Variants in STK11 observed in about 807,000 individuals in gnomAD.
STK11 encodes the protein serine/threonine kinase 11, also known as serine/threonine-protein kinase STK11.
Under a neutral mutation model 47.3 loss-of-function variants are expected in STK11, and 8 were observed. The ratio of observed to expected loss-of-function variants is 0.17; its 90% CI spans 0.10 to 0.31. The LOEUF (loss-of-function observed/expected upper bound fraction) is 0.31, where lower values mean the gene tolerates loss of function less well. Ranked by LOEUF, STK11 falls within the 10% of genes least tolerant of loss-of-function variation. STK11 has a pLI of 1.00. For synonymous variants in STK11, 330 were observed against 255.8 expected (o/e 1.29, Z -2.77); for missense variants, 475 against 605.0 (o/e 0.79, Z 2.25).
At chr19:1,221,383 GC>G in intron 6 of STK11, 43 bp downstream of exon 6, 1 of 1,560,174 alleles carries the variant, frequency 6.4e-7, no homozygotes, top group Non-Finnish European at 8.7e-7. Context: ...GGGAGGCGGG[GC>G]TTTTGTGCAG....
chr19:1,206,168 G>C lies in STK11; in HGVS notation c.-746G>C, dbSNP rs2080663101. 6.5e-6 allele frequency: 1 copy of C among 153,586 alleles called. No homozygotes were observed. Among genetic ancestry groups the C allele is most frequent in the South Asian group, 2.0e-4 (1 of 4,888 alleles). 9.5% of individuals were successfully genotyped at this position (153,586 alleles called of 1,614,324 possible). A position where few individuals can be genotyped will look rare whatever the true frequency, so the allele number is the denominator to read the frequency against. ...CTGCCGGGCCCCGGCGACCACCTTGGGGGTCGCGGGCCGGCTCGGGGGGCG... is the reference window on the plus strand; with the variant it reads ...CTGCCGGGCCCCGGCGACCACCTTGCGGGTCGCGGGCCGGCTCGGGGGGCG... On this transcript the variant is annotated 5_prime_UTR_variant, in exon 1 of 10. Transcript: ENST00000326873.
rs141043477 is a variant in STK11 at position 1,207,689 on chromosome 19, C to T, written c.290+486C>T. ...CCTGTCAGAGGGGAACCCTGGGCTG[C>T]CAAAAATAACTGTTTGCACCGGCTT... is the stretch of plus-strand genomic sequence containing the variant. On this transcript the variant is annotated intron_variant, in intron 1 of 9. Coordinates refer to ENST00000326873, the MANE Select transcript of STK11 (RefSeq NM_000455.5). Among the ~76,000 whole-genome samples, 142 of 152,282 alleles carry T rather than the reference C, an allele frequency of 9.3e-4. No individual in the cohort carries two copies. The Middle Eastern group carries it at 0.014, about 15-fold the overall frequency.
intron 1 of STK11, 90 bp downstream of exon 1, chr19:1,207,293 C>A (rs1311959121): frequency 1.4e-6 from 2 of 1,470,900 alleles, no homozygotes; most frequent in South Asian, 1.4e-5. Flanking sequence ...CCCTCCCTCC[C>A]TTACTTCCTC....
chr19:1,211,583 G>T (rs1488612477), intron 1 of STK11, among the ~76,000 whole-genome samples: 3 of 152,232 alleles, frequency 2.0e-5, no homozygotes, highest in Admixed American at 6.5e-5. Flanking sequence ...ACCCAGGGCT[G>T]CCGTGAGCGC....
At chr19:1,214,570 A>T (rs1229894205) in intron 1 of STK11, among the ~76,000 whole-genome samples, 1 of 152,088 alleles carries the variant, frequency 6.6e-6, no homozygotes, top group Non-Finnish European at 1.5e-5. Context: ...TGGCCGGCGC[A>T]GGGAGGTTTC....
chr19:1,217,193 T>G (rs1045724633), intron 1 of STK11, among the ~76,000 whole-genome samples: 2 of 152,194 alleles, frequency 1.3e-5, no homozygotes, highest in African/African-American at 4.8e-5. Context: ...AGGACCTTGC[T>G]CCTCGTCATT....
In STK11 at chr19:1,220,368, C is replaced by A. The variant is rs567202367; in HGVS notation, c.465-5C>A. 2 of 1,597,882 alleles carry A rather than the reference C, an allele frequency of 1.3e-6. No homozygotes were observed. The highest frequency in any genetic ancestry group is 4.5e-5 in the East Asian group (2 of 44,232). On this transcript the variant is annotated splice_polypyrimidine_tract_variant and splice_region_variant and intron_variant, in intron 3 of 9. Transcript: ENST00000326873. ...GGCCCCAGGACGGGTGTGTGCTGCC[C>A]GCAGGTACTTCTGTCAGCTGATTGA... is the stretch of plus-strand genomic sequence containing the variant.
chr19:1,207,430 T>C (rs1359233117), intron 1 of STK11, among the ~76,000 whole-genome samples: 1 of 152,196 alleles, frequency 6.6e-6, no homozygotes, highest in Non-Finnish European at 1.5e-5. Context: ...TGCGTTTGCA[T>C]GGGCTCTTGG....
intron 8 of STK11, chr19:1,225,870 G>T (rs1027971792): frequency 3.0e-6 from 3 of 987,396 alleles, no homozygotes; most frequent in Non-Finnish European, 3.6e-6. Context: ...GTCCACCTGG[G>T]CAGGGTGGGC....
At chr19:1,219,008 A>G (rs953224827) in intron 2 of STK11, among the ~76,000 whole-genome samples, 5 of 152,234 alleles carry the variant, frequency 3.3e-5, no homozygotes, top group Middle Eastern at 3.4e-3. Context: ...ACCGTCCTGC[A>G]TGGGCCCGAG....
chr19:1,216,917 G>T (rs1185639713), intron 1 of STK11, among the ~76,000 whole-genome samples: 1 of 152,078 alleles, frequency 6.6e-6, no homozygotes, highest in African/African-American at 2.4e-5. Flanking sequence ...CTAGGCTGTG[G>T]CTCGAGTCAG....
chr19:1,208,633 T>TTTG (rs2080686749), intron 1 of STK11, among the ~76,000 whole-genome samples: 1 of 119,892 alleles, frequency 8.3e-6, no homozygotes, highest in Non-Finnish European at 1.8e-5. Flanking sequence ...TTTTTTTTTT[T>TTTG]TGAGACGGAG....
At chr19:1,223,307 GC>G in intron 8 of STK11, 135 bp downstream of exon 8, 1 of 1,140,520 alleles carries the variant, frequency 8.8e-7, no homozygotes, top group Non-Finnish European at 1.2e-6. Context: ...AAAGCCTCCA[GC>G]CCACCTGCAG....
chr19:1,209,304 C>T (rs973502569), intron 1 of STK11, among the ~76,000 whole-genome samples: 3 of 151,956 alleles, frequency 2.0e-5, no homozygotes, highest in Non-Finnish European at 4.4e-5. Context: ...GCTTAGGGGC[C>T]GGGCGCGGTG....
At position 1,222,018 on chromosome 19, in the gene STK11, C is replaced by T. The variant is rs186518799; in HGVS notation, c.920+12C>T. On this transcript the variant is annotated intron_variant, in intron 7 of 9. Coordinates refer to ENST00000326873, the MANE Select transcript of STK11 (RefSeq NM_000455.5). ...ATCCGGCAGCACAGGTGAGCGGCCC[C>T]TGGGGGCAGTGGGGCCGAGGCTGCA... 2.6e-5 allele frequency: 40 copies of T among 1,564,668 alleles called. No homozygotes were observed. The African/African-American group carries it at 4.6e-4, about 18-fold the overall frequency.
intron 3 of STK11, 30 bp downstream of exon 3, chr19:1,219,443 G>GAC: frequency 6.5e-7 from 1 of 1,535,096 alleles, no homozygotes; most frequent in Non-Finnish European, 8.8e-7. Context: ...GCCAGGGTGG[G>GAC]GCGGGGGCCG....
In STK11 at chr19:1,211,415, G is replaced by A. The variant is rs185729980; in HGVS notation, c.290+4212G>A. Among the ~76,000 whole-genome samples the A allele has an allele frequency of 3.4e-3, 525 of 152,280 alleles. 2 individuals carry two copies. The highest frequency in any genetic ancestry group is 0.012 in the African/African-American group (486 of 41,568). ...CAGCCCGACTCCCCGTGCTTCTCGG[G>A]GGACAGCACGGCTAGCTGCTGCTGC... On this transcript the variant is annotated intron_variant, in intron 1 of 9. Coordinates refer to ENST00000326873, the MANE Select transcript of STK11 (RefSeq NM_000455.5).
chr19:1,228,046 ATTTTC>A lies in STK11; in HGVS notation c.*475_*479del. ...TTTGGTTTTTTGTTTGGTTGGTTCC[ATTTTC>A]TTTTTTTCTTTTTTTTTTTAAGAAA... On this transcript the variant is annotated 3_prime_UTR_variant, in exon 10 of 10. Transcript: ENST00000326873. 1 of 1,061,242 alleles carries A rather than the reference ATTTTC, an allele frequency of 9.4e-7. No individual in the cohort carries two copies. The highest frequency in any genetic ancestry group is 1.1e-6 in the Non-Finnish European group (1 of 878,386). The allele number at this position is 1,061,242 out of a possible 1,614,324, so 65.7% of individuals were successfully genotyped here.
In STK11 at chr19:1,206,140, C is replaced by T. The variant is rs1388166210; in HGVS notation, c.-774C>T. 2.0e-5 allele frequency: 3 copies of T among 148,224 alleles called. No individual in the cohort carries two copies. The highest frequency in any genetic ancestry group is 3.9e-4 in the East Asian group (2 of 5,172). The allele number at this position is 148,224 out of a possible 1,614,324, so 9.2% of individuals were successfully genotyped here. A position where few individuals can be genotyped will look rare whatever the true frequency, so the allele number is the denominator to read the frequency against. The stretch of plus-strand genomic sequence containing the variant: ...GGGCAGACGTTTGCGGGGAGGGGGG[C>T]GCCTGCCGGGCCCCGGCGACCACCT... On this transcript the variant is annotated 5_prime_UTR_variant, in exon 1 of 10. Transcript: ENST00000326873.
Sources: allele counts gnomAD v4.1 joint callset (sites outside exome capture counted in the v4.1 genomes callset), GRCh38; gene constraint gnomAD v4.1.1; transcripts MANE v1.5; gene names NCBI Gene and HGNC (gene_info 2026-07-23, HGNC 2026-07-21).